Variants in HPS1 observed in about 807,000 individuals in gnomAD.
HPS1 encodes BLOC-3 complex member HPS1.
Under a neutral mutation model 90.6 loss-of-function variants are expected in HPS1, and 59 were observed. The ratio of observed to expected loss-of-function variants is 0.65; its 90% confidence interval spans 0.53 to 0.81. The LOEUF (loss-of-function observed/expected upper bound fraction) is 0.81. HPS1 is among the 30% of genes least tolerant of loss of function. HPS1 has a pLI of 0.00. For missense variants in HPS1, 849 were observed against 896.7 expected (o/e 0.95, Z 0.68); for synonymous variants, 388 against 384.4 (o/e 1.01, Z -0.11).
rs757713888 is a variant in HPS1 at position 98,435,400 on chromosome 10, C to A, written c.270G>T (p.Leu90=). The A allele has an allele frequency of 2.5e-6, 4 of 1,613,950 alleles. No homozygotes were observed. Among genetic ancestry groups the A allele is most frequent in the Non-Finnish European group, 3.4e-6 (4 of 1,180,026 alleles). The change falls in exon 5 of 20, where the codon CTG becomes CTT. Residue 90 remains leucine, a synonymous_variant. Transcript: ENST00000361490. The surrounding 1 kb of genome is among the most constrained non-coding windows in gnomAD (Gnocchi z 4.3). The part of the protein sequence containing the change: ...LYVLHLFGEC[L]FIAINGDHTE... ...TGTGGTCACCATTGATGGCAATGAA[C>A]AGGCATTCTCCAAACTGCAGGCACA... is the stretch of plus-strand genomic sequence containing the variant.
chr10:98,443,269 G>T, intron 2 of HPS1, 29 bp from the exon 3 acceptor site: 1 of 1,544,916 alleles, frequency 6.5e-7, no homozygotes, highest in Non-Finnish European at 9.0e-7. Flanking sequence ...GTCAAGGTCA[G>T]CCTCCAGCCC....
At chr10:98,431,378 G>T in intron 6 of HPS1, 87 bp from the exon 7 acceptor site, 1 of 1,389,652 alleles carries the variant, frequency 7.2e-7, no homozygotes, top group Non-Finnish European at 1.0e-6. Context: ...CATTCACTCT[G>T]TCCACAGTGA....
intron 6 of HPS1, among the ~76,000 whole-genome samples, chr10:98,433,453 T>A (rs1193312984): frequency 6.6e-6 from 1 of 152,166 alleles, no homozygotes; most frequent in Non-Finnish European, 1.5e-5. Flanking sequence ...AGTTTTTATT[T>A]TTAATTTTTT....
At chr10:98,419,006 G>A (rs1477907562) in intron 18 of HPS1, among the ~76,000 whole-genome samples, 4 of 152,192 alleles carry the variant, frequency 2.6e-5, no homozygotes, top group South Asian at 2.1e-4. Flanking sequence ...CTTGGGCTCC[G>A]GCTTCCTCAC....
chr10:98,444,786 C>T (rs1380807591), intron 2 of HPS1, among the ~76,000 whole-genome samples: 2 of 152,202 alleles, frequency 1.3e-5, no homozygotes, highest in Admixed American at 6.5e-5. Flanking sequence ...CACAGAATTA[C>T]TCAATGCCAA....
At chr10:98,424,030 G>T in intron 14 of HPS1, 143 bp from the exon 15 acceptor site, 1 of 1,116,056 alleles carries the variant, frequency 9.0e-7, no homozygotes, top group Non-Finnish European at 1.3e-6. Context: ...CTTGTACCCA[G>T]GACAGACCAA....
intron 3 of HPS1, among the ~76,000 whole-genome samples, chr10:98,437,594 G>A (rs1327947749): frequency 6.6e-6 from 1 of 152,202 alleles, no homozygotes; most frequent in Admixed American, 6.5e-5. Flanking sequence ...CTGTAGGTTT[G>A]CAGCCTAGGA....
intron 16 of HPS1, 139 bp from the exon 17 acceptor site, chr10:98,422,652 C>T: frequency 2.4e-6 from 2 of 847,866 alleles, no homozygotes; most frequent in Non-Finnish European, 4.0e-6. Flanking sequence ...TCAGCTAAGC[C>T]CCCTGTATCC....
At position 98,433,970 on chromosome 10, in the gene HPS1, GC is replaced by G; in HGVS notation, c.507+12del. On this transcript the variant is annotated intron_variant, in intron 6 of 19. Coordinates refer to ENST00000361490, the MANE Select transcript of HPS1 (RefSeq NM_000195.5). ...AGCTTCAAGTCCTGAGGACTCCCGCGCCCAGTAGTCACCTCCACGGCGAAGC... is the reference window on the plus strand; with the variant it reads ...AGCTTCAAGTCCTGAGGACTCCCGCGCCAGTAGTCACCTCCACGGCGAAGC... 1.3e-6 allele frequency: 2 copies of G among 1,553,546 alleles called. No homozygotes were observed. Among genetic ancestry groups the G allele is most frequent in the Middle Eastern group, 1.7e-4 (1 of 5,994 alleles).
chr10:98,425,498 C>G (rs774720660), intron 13 of HPS1, 43 bp downstream of exon 13: 1 of 1,575,594 alleles, frequency 6.3e-7, no homozygotes, highest in South Asian at 1.2e-5. Flanking sequence ...GCTGCCAGCC[C>G]TGCCTCTTCC....
At chr10:98,414,909 G>C (rs574403593), downstream of HPS1, 29 of 1,511,800 alleles carry the variant, frequency 1.9e-5, 2 homozygotes, top group South Asian at 3.7e-4. Context: ...CCAGAGGAGA[G>C]AGCAGTGGGG....
chr10:98,439,441 C>T (rs1023903272), intron 3 of HPS1, among the ~76,000 whole-genome samples: 3 of 152,156 alleles, frequency 2.0e-5, no homozygotes, highest in Admixed American at 1.3e-4. Context: ...GTGACCTGGA[C>T]GTGGATAGAG....
At position 98,435,587 on chromosome 10, in the gene HPS1, C is replaced by G. The variant is rs1335625237; in HGVS notation, c.255+48G>C. ...AAATAAGAGAGGCCTGTGGACTCCC[C>G]ATCAAGCTGAGGGAAGAGGAACATG... On this transcript the variant is annotated intron_variant, in intron 4 of 19. Transcript: ENST00000361490. This position sits in a 1 kb window ranked among gnomAD's most constrained non-coding sequence, Gnocchi z 4.3. 6.2e-7 allele frequency: 1 copy of G among 1,610,938 alleles called. No individual in the cohort carries two copies. The highest frequency in any genetic ancestry group is 1.3e-5 in the African/African-American group (1 of 74,814).
intron 17 of HPS1, 74 bp downstream of exon 17, chr10:98,422,295 G>A: frequency 6.5e-7 from 1 of 1,549,904 alleles, no homozygotes; most frequent in Non-Finnish European, 8.9e-7. Context: ...CCCCAGGCAT[G>A]TGGATCACAC....
intron 3 of HPS1, among the ~76,000 whole-genome samples, chr10:98,438,542 GGAA>G (rs1937799574): frequency 6.6e-6 from 1 of 152,174 alleles, no homozygotes; most frequent in Non-Finnish European, 1.5e-5. Flanking sequence ...GATTTGGGGT[GGAA>G]GAAATTTCTA....
chr10:98,429,918 G>A lies in HPS1; in HGVS notation c.769-29C>T. 5 of 1,589,658 alleles carry A rather than the reference G, an allele frequency of 3.1e-6. No individual in the cohort carries two copies. In the Admixed American group the frequency reaches 8.3e-5, roughly 27 times the overall value. ...TGCAGGGCAGGGGAGAGGCTGGTTAGCTCCTATCTGACCTGGCTCCCTCCA... is the reference window on the plus strand; with the variant it reads ...TGCAGGGCAGGGGAGAGGCTGGTTAACTCCTATCTGACCTGGCTCCCTCCA... On this transcript the variant is annotated intron_variant, in intron 8 of 19. Coordinates refer to ENST00000361490, the MANE Select transcript of HPS1 (RefSeq NM_000195.5).
At chr10:98,436,859 C>T (rs773320190) in intron 3 of HPS1, among the ~76,000 whole-genome samples, 14 of 152,166 alleles carry the variant, frequency 9.2e-5, no homozygotes, top group Non-Finnish European at 1.8e-4. Flanking sequence ...AACTGGCCAG[C>T]GGGAAGGTGC....
intron 8 of HPS1, 24 bp from the exon 9 acceptor site, chr10:98,429,913 G>C (rs779004731): frequency 6.3e-7 from 1 of 1,597,482 alleles, no homozygotes; most frequent in East Asian, 2.2e-5. Context: ...GGGAGAGGCT[G>C]GTTAGCTCCT....
Position 98,417,652 on chromosome 10 carries a change from A to T in HPS1, c.2015T>A (p.Leu672Gln). 2 of 1,613,770 alleles carry T rather than the reference A, an allele frequency of 1.2e-6. No individual in the cohort carries two copies. The highest frequency in any genetic ancestry group is 1.7e-6 in the Non-Finnish European group (2 of 1,179,924). The change falls in exon 20 of 20, where the codon CTG (leucine) becomes CAG (glutamine). Residue 672 changes from leucine (L) to glutamine (Q), a missense_variant. By Grantham distance (113) the Leu-to-Gln change is moderately radical (BLOSUM62 -2). Coordinates refer to ENST00000361490, the MANE Select transcript of HPS1 (RefSeq NM_000195.5). This position sits in a 1 kb window ranked among gnomAD's most constrained non-coding sequence, Gnocchi z 4.2. ...VRCYELLALH[L>Q]SVIPTDLLVQ... ...CAGCAGGTCAGTGGGGATGACAGAC[A>T]GGTGCAGGGCCAGCAGCTCGTAGCA...
Sources: gnomAD v4.1 joint callset for allele counts (sites outside exome capture counted in the v4.1 genomes callset) on GRCh38, gnomAD v4.1.1 for gene constraint, Gnocchi (gnomAD v3.1) non-coding constraint, MANE v1.5 for transcripts, NCBI Gene and HGNC (gene_info 2026-07-23, HGNC 2026-07-21) for gene names.